Variants in PLXNA4 observed in about 807,000 individuals in gnomAD.
The protein encoded by PLXNA4 is plexin-A4.
Under a neutral mutation model 191.8 loss-of-function variants are expected in PLXNA4, and 44 were observed. The observed-to-expected ratio is 0.23, with a 90% CI of 0.18 to 0.29. The LOEUF (loss-of-function observed/expected upper bound fraction) is 0.29. PLXNA4 is among the 10% of genes least tolerant of loss of function. PLXNA4 has a pLI of 1.00. For synonymous variants in PLXNA4, 1,082 were observed against 1,009.5 expected (o/e 1.07, Z -1.36); for missense variants, 1,800 against 2,488.8 (o/e 0.72, Z 5.89).
intron 3 of PLXNA4, among the ~76,000 whole-genome samples, chr7:132,398,434 C>T (rs1004844905): frequency 6.6e-6 from 1 of 152,214 alleles, no homozygotes; most frequent in Non-Finnish European, 1.5e-5. Context: ...ACATCCAAGG[C>T]AGCCAAGCCA....
At position 132,585,895 on chromosome 7, in the gene PLXNA4, T is replaced by G. The variant is rs190885192; in HGVS notation, c.-87+60033A>C. Among the ~76,000 whole-genome samples the G allele has an allele frequency of 8.8e-4, 134 of 152,266 alleles. 2 individuals carry two copies. Among genetic ancestry groups the G allele is most frequent in the Non-Finnish European group, 1.6e-3 (109 of 68,026 alleles). Reference sequence around the variant, plus strand: ...AACTTGGGGGGTTAGTGCTTCAACATACGAATTGAGAGTGGGATGACACAT... The same window carrying G: ...AACTTGGGGGGTTAGTGCTTCAACAGACGAATTGAGAGTGGGATGACACAT... On this transcript the variant is annotated intron_variant, in intron 2 of 4. Coordinates refer to the PLXNA4 transcript ENST00000378539.
chr7:132,159,643 G>A lies in PLXNA4; in HGVS notation c.4501-11C>T, dbSNP rs546769513. 6.2e-7 allele frequency: 1 copy of A among 1,613,642 alleles called. No homozygotes were observed. The highest frequency in any genetic ancestry group is 2.2e-5 in the East Asian group (1 of 44,860). ...GACACAGCTCAGGACCTGAAGGAAA[G>A]GTGGGGAGAGGAAGCATATGAAATG... On this transcript the variant is annotated splice_polypyrimidine_tract_variant and intron_variant, in intron 24 of 31. Coordinates refer to ENST00000321063, the MANE Select transcript of PLXNA4 (RefSeq NM_020911.2).
At chr7:132,385,652 C>T (rs1349636057) in intron 3 of PLXNA4, among the ~76,000 whole-genome samples, 1 of 152,178 alleles carries the variant, frequency 6.6e-6, no homozygotes, top group African/African-American at 2.4e-5. Flanking sequence ...GAAAGAACAA[C>T]CTCAAAGCCC....
intron 3 of PLXNA4, among the ~76,000 whole-genome samples, chr7:132,300,784 G>C (rs1801275760): frequency 6.6e-6 from 1 of 152,256 alleles, no homozygotes; most frequent in Non-Finnish European, 1.5e-5. Flanking sequence ...TGAATGCCCT[G>C]GCTGGTCTCC....
chr7:132,605,978 AC>A (rs1421376457), intron 2 of PLXNA4, among the ~76,000 whole-genome samples: 2 of 152,168 alleles, frequency 1.3e-5, no homozygotes, highest in Non-Finnish European at 2.9e-5. Flanking sequence ...AGCCTGGCCA[AC>A]ATGGTGAAAC....
At chr7:132,438,316 A>G (rs1033244885) in intron 3 of PLXNA4, among the ~76,000 whole-genome samples, 8 of 152,222 alleles carry the variant, frequency 5.3e-5, no homozygotes, top group Admixed American at 1.3e-4. Flanking sequence ...GACATAATCC[A>G]TGATAAAGCA....
intron 2 of PLXNA4, among the ~76,000 whole-genome samples, chr7:132,608,359 C>T (rs1322087845): frequency 6.6e-6 from 1 of 152,084 alleles, no homozygotes; most frequent in Non-Finnish European, 1.5e-5. Flanking sequence ...ATTTATTCAC[C>T]AACATATTAA....
chr7:132,517,826 G>C (rs1456402584), intron 1 of PLXNA4, among the ~76,000 whole-genome samples: 2 of 152,216 alleles, frequency 1.3e-5, no homozygotes, highest in Non-Finnish European at 2.9e-5. Flanking sequence ...CAGTGAGGGA[G>C]TTGGGGAGCA....
chr7:132,621,247 T>TTTTTTTTTTTTTGG (rs1803256657), intron 2 of PLXNA4, among the ~76,000 whole-genome samples: 1 of 70,586 alleles, frequency 1.4e-5, no homozygotes, highest in Non-Finnish European at 3.8e-5. Flanking sequence ...TTTTTTTTTG[T>TTTTTTTTTTTTTGG]TTTTTTTTTT....
At chr7:132,145,083 G>A in intron 29 of PLXNA4, 36 bp downstream of exon 29, 1 of 1,613,098 alleles carries the variant, frequency 6.2e-7, no homozygotes, top group Non-Finnish European at 8.5e-7. Flanking sequence ...GTGGGCTCAG[G>A]GCTCCCGATG....
At chr7:132,507,265 A>C (rs1798503497) in intron 2 of PLXNA4, among the ~76,000 whole-genome samples, 1 of 152,296 alleles carries the variant, frequency 6.6e-6, no homozygotes, top group South Asian at 2.1e-4. Flanking sequence ...AATATGAGGC[A>C]GAGAAAAGTA....
chr7:132,442,440 C>T (rs1180128446), intron 3 of PLXNA4, among the ~76,000 whole-genome samples: 2 of 152,306 alleles, frequency 1.3e-5, no homozygotes, highest in Non-Finnish European at 2.9e-5. Flanking sequence ...TAACAGATGT[C>T]CTTTCCACTC....
intron 24 of PLXNA4, among the ~76,000 whole-genome samples, chr7:132,160,454 TA>T (rs889014314): frequency 3.2e-4 from 48 of 152,340 alleles, no homozygotes; most frequent in African/African-American, 1.1e-3. Context: ...GCTTTTCCTT[TA>T]AAAAGAACAA....
Position 132,155,547 on chromosome 7 carries a change from A to C in PLXNA4, c.4660+3926T>G, listed in dbSNP as rs1156799489. Among the ~76,000 whole-genome samples the C allele has an allele frequency of 2.0e-5, 3 of 152,150 alleles. No homozygotes were observed. In the East Asian group the frequency reaches 5.8e-4, roughly 29 times the overall value. On this transcript the variant is annotated intron_variant, in intron 25 of 31. Transcript: ENST00000321063. ...TTTGTTGAAGAGTTTAGTGATGCAA[A>C]CAGGTACCTACCCTGCCCAGATACC...
chr7:132,623,058 A>C (rs1803301008), intron 2 of PLXNA4, among the ~76,000 whole-genome samples: 1 of 152,126 alleles, frequency 6.6e-6, no homozygotes, highest in Admixed American at 6.5e-5. Flanking sequence ...ATAAGAACTA[A>C]AATTGGCTGG....
intron 4 of PLXNA4, among the ~76,000 whole-genome samples, chr7:132,278,730 T>C (rs946204202): frequency 2.6e-5 from 4 of 152,180 alleles, no homozygotes; most frequent in African/African-American, 9.6e-5. Context: ...AGAAAGATAG[T>C]AATTAGTTTT....
At chr7:132,642,059 AT>A (rs1803754224) in intron 2 of PLXNA4, among the ~76,000 whole-genome samples, 1 of 152,206 alleles carries the variant, frequency 6.6e-6, no homozygotes, top group Non-Finnish European at 1.5e-5. Flanking sequence ...TTTTTAATAA[AT>A]TTGCTTCTAT....
intron 4 of PLXNA4, chr7:132,271,123 A>G (rs1800053157): frequency 6.6e-6 from 1 of 152,158 alleles, no homozygotes; most frequent in East Asian, 1.9e-4. Flanking sequence ...CAACAATAAT[A>G]TTGACCACGT....
chr7:132,133,327 G>C, intron 30 of PLXNA4, 128 bp from the exon 31 acceptor site: 2 of 1,459,330 alleles, frequency 1.4e-6, no homozygotes, highest in Non-Finnish European at 1.8e-6. Context: ...TACTTGTGCT[G>C]TGGCCACCTG....
Sources: allele counts gnomAD v4.1 joint callset (sites outside exome capture counted in the v4.1 genomes callset), GRCh38; gene constraint gnomAD v4.1.1; transcripts MANE v1.5; gene names NCBI Gene and HGNC (gene_info 2026-07-23, HGNC 2026-07-21).